Variants in TTLL11 observed in about 807,000 individuals in gnomAD.
TTLL11 encodes the protein tubulin polyglutamylase TTLL11.
Under a neutral mutation model 51.7 loss-of-function variants are expected in TTLL11, and 42 were observed. The observed-to-expected ratio is 0.81, with a 90% CI of 0.64 to 1.05. TTLL11 has a LOEUF of 1.05. TTLL11 is among the 50% of genes least tolerant of loss of function. The pLI is 0.00. For missense variants in TTLL11, 799 were observed against 940.4 expected (o/e 0.85, Z 1.97); for synonymous variants, 381 against 383.5 (o/e 0.99, Z 0.08).
intron 6 of TTLL11, among the ~76,000 whole-genome samples, chr9:121,892,279 G>A (rs2131445576): frequency 6.6e-6 from 1 of 150,838 alleles, no homozygotes; most frequent in African/African-American, 2.4e-5. Context: ...ACTCTTACTG[G>A]GAAACTGTGT....
At chr9:121,952,288 A>T (rs372438202) in intron 6 of TTLL11, among the ~76,000 whole-genome samples, 5 of 152,096 alleles carry the variant, frequency 3.3e-5, no homozygotes, top group African/African-American at 1.2e-4. Context: ...CTACTAAAAA[A>T]TACAAAAATT....
intron 6 of TTLL11, among the ~76,000 whole-genome samples, chr9:121,949,109 T>A (rs1180402879): frequency 6.6e-6 from 1 of 152,114 alleles, no homozygotes; most frequent in Admixed American, 6.5e-5. Flanking sequence ...GATGGGGCCA[T>A]CTCACAAGAT....
At chr9:121,985,850 G>T (rs151160616) in intron 4 of TTLL11, among the ~76,000 whole-genome samples, 1 of 152,086 alleles carries the variant, frequency 6.6e-6, no homozygotes, top group Non-Finnish European at 1.5e-5. Flanking sequence ...TTAATGACTG[G>T]GAATCTGAAA....
intron 6 of TTLL11, among the ~76,000 whole-genome samples, chr9:121,953,696 A>C (rs6478549): frequency 0.076 from 11,466 of 151,176 alleles, 663 homozygotes; most frequent in African/African-American, 0.16. Context: ...CCAAGAAAGA[A>C]CCAAGAACCA....
In TTLL11 at chr9:121,878,662, G is replaced by A. The variant is rs73662402; in HGVS notation, c.1482-7914C>T. ...TTTCAGAGCTGGAAAGGCCTTTTGGGGTCACTGCGCCCAGCCCTCTCATTT... is the reference window on the plus strand; with the variant it reads ...TTTCAGAGCTGGAAAGGCCTTTTGGAGTCACTGCGCCCAGCCCTCTCATTT... On this transcript the variant is annotated intron_variant, in intron 6 of 8. Coordinates refer to ENST00000321582, the MANE Select transcript of TTLL11 (RefSeq NM_001139442.2). Among the ~76,000 whole-genome samples, 985 of 152,292 alleles carry A rather than the reference G, an allele frequency of 6.5e-3. 11 individuals carry two copies. The highest frequency in any genetic ancestry group is 0.023 in the African/African-American group (936 of 41,556).
intron 8 of TTLL11, among the ~76,000 whole-genome samples, chr9:121,829,642 T>C (rs568911174): frequency 6.6e-6 from 1 of 152,240 alleles, no homozygotes; most frequent in South Asian, 2.1e-4. Context: ...TGGTATTCAT[T>C]GCAAACTTAT....
chr9:121,927,559 T>TGAAAA (rs1357758648), intron 6 of TTLL11, among the ~76,000 whole-genome samples: 1 of 151,432 alleles, frequency 6.6e-6, no homozygotes, highest in African/African-American at 2.4e-5. Flanking sequence ...CCCAGGGAGG[T>TGAAAA]GAAAAGAAAT....
chr9:121,887,645 A>C (rs983298208), intron 6 of TTLL11, among the ~76,000 whole-genome samples: 1 of 152,206 alleles, frequency 6.6e-6, no homozygotes, highest in African/African-American at 2.4e-5. Flanking sequence ...TTGGCATGGG[A>C]TAGAGAGACG....
chr9:122,067,861 C>T (rs1458403298), intron 1 of TTLL11, among the ~76,000 whole-genome samples: 1 of 152,188 alleles, frequency 6.6e-6, no homozygotes, highest in Middle Eastern at 3.2e-3. Flanking sequence ...TATGACAAGC[C>T]AAATCTCAAG....
chr9:121,875,497 T>C (rs1838532068), intron 6 of TTLL11, among the ~76,000 whole-genome samples: 1 of 152,170 alleles, frequency 6.6e-6, no homozygotes, highest in East Asian at 1.9e-4. Flanking sequence ...AACCTCACGA[T>C]GAAAAGAGTC....
intron 3 of TTLL11, among the ~76,000 whole-genome samples, chr9:121,990,674 T>G (rs1401981990): frequency 6.6e-6 from 1 of 152,224 alleles, no homozygotes; most frequent in African/African-American, 2.4e-5. Flanking sequence ...AACACAGAGC[T>G]GAGCTAGTGC....
intron 8 of TTLL11, among the ~76,000 whole-genome samples, chr9:121,854,364 G>A (rs1244239218): frequency 6.6e-6 from 1 of 152,218 alleles, no homozygotes; most frequent in African/African-American, 2.4e-5. Flanking sequence ...CTCCAAGCAA[G>A]AGGTGTGTGG....
At position 121,922,167 on chromosome 9, in the gene TTLL11, T is replaced by C. The variant is rs138276242; in HGVS notation, c.1482-51419A>G. Among the ~76,000 whole-genome samples, 797 of 152,306 alleles carry C rather than the reference T, an allele frequency of 5.2e-3. 7 individuals are homozygous for C. The highest frequency in any genetic ancestry group is 8.0e-3 in the Non-Finnish European group (545 of 68,016). ...AGCCAAGGAGGGACAACTCTATCTC[T>C]ACCCAGAACCATATACTGATAATCC... On this transcript the variant is annotated intron_variant, in intron 6 of 8. Transcript: ENST00000321582.
chr9:121,879,243 C>T (rs960366376), intron 6 of TTLL11, among the ~76,000 whole-genome samples: 6 of 152,130 alleles, frequency 3.9e-5, no homozygotes, highest in Non-Finnish European at 8.8e-5. Flanking sequence ...CCCCGAGGAC[C>T]TCAGGAGAAT....
At chr9:121,936,602 C>A (rs1485981070) in intron 6 of TTLL11, among the ~76,000 whole-genome samples, 1 of 152,144 alleles carries the variant, frequency 6.6e-6, no homozygotes, top group African/African-American at 2.4e-5. Flanking sequence ...TTGATGTCAA[C>A]CTGTCCTTAT....
intron 6 of TTLL11, among the ~76,000 whole-genome samples, chr9:121,905,058 G>A (rs546780415): frequency 2.0e-4 from 31 of 152,318 alleles, no homozygotes; most frequent in South Asian, 6.2e-4. Flanking sequence ...CCCTCAGAAC[G>A]TGCTGGCCTA....
chr9:121,939,913 G>A (rs1165070793), intron 6 of TTLL11, among the ~76,000 whole-genome samples: 1 of 152,150 alleles, frequency 6.6e-6, no homozygotes, highest in Non-Finnish European at 1.5e-5. Context: ...GAAGGCAGCA[G>A]AAGGCAGAGG....
Position 122,033,137 on chromosome 9 carries a change from A to G in TTLL11, c.560-1281T>C, listed in dbSNP as rs1467525194. Among the ~76,000 whole-genome samples the G allele has an allele frequency of 2.0e-5, 3 of 151,844 alleles. No homozygotes were observed. The East Asian group carries it at 5.8e-4, about 29-fold the overall frequency. On this transcript the variant is annotated intron_variant, in intron 2 of 8. Coordinates refer to ENST00000321582, the MANE Select transcript of TTLL11 (RefSeq NM_001139442.2). The stretch of plus-strand genomic sequence containing the variant: ...TCTTTTTCTTTTTCTTTTTAGGCAG[A>G]GTTTCGCTCTTGTTGCCTAGACTGG...
intron 3 of TTLL11, among the ~76,000 whole-genome samples, chr9:122,006,991 A>AC (rs1843669962): frequency 7.0e-6 from 1 of 142,684 alleles, no homozygotes; most frequent in Admixed American, 6.8e-5. Context: ...CAAAAAAAAA[A>AC]AAAAAAAAAA....
Sources: gnomAD v4.1 joint callset for allele counts (sites outside exome capture counted in the v4.1 genomes callset) on GRCh38, gnomAD v4.1.1 for gene constraint, MANE v1.5 for transcripts, NCBI Gene and HGNC (gene_info 2026-07-23, HGNC 2026-07-21) for gene names.